GALNT13: variants seen among roughly 807,000 people sequenced by gnomAD.
GALNT13 encodes polypeptide N-acetylgalactosaminyltransferase 13, also known as UDP-GalNAc:polypeptide N-acetylgalactosaminyltransferase 13.
Under a neutral mutation model 64.2 loss-of-function variants are expected in GALNT13, and 28 were observed. The observed-to-expected ratio is 0.44, with a 90% CI of 0.32 to 0.60. The LOEUF is 0.60. Ranked by LOEUF, GALNT13 falls within the 20% of genes least tolerant of loss-of-function variation. GALNT13 has a pLI of 0.05. For synonymous variants in GALNT13, 214 were observed against 224.6 expected, an observed-to-expected ratio of 0.95 and a Z score of 0.42; for missense variants, 577 against 669.8, an observed-to-expected ratio of 0.86 and a Z score of 1.53.
chr2:154,358,247 C>A (rs571622334), intron 9 of GALNT13, among the ~76,000 whole-genome samples: 1 of 152,164 alleles, frequency 6.6e-6, no homozygotes, highest in South Asian at 2.1e-4. Flanking sequence ...TCTTAAATAT[C>A]TTTTAGCAAC....
Position 154,451,138 on chromosome 2 carries a change from T to C in GALNT13, c.*587T>C, listed in dbSNP as rs557156462. 2.6e-5 allele frequency: 4 copies of C among 152,204 alleles called. No homozygotes were observed. In the East Asian group the frequency reaches 7.7e-4, roughly 29 times the overall value. The allele number at this position is 152,204 out of a possible 1,614,324, so 9.4% of individuals were successfully genotyped here. A position where few individuals can be genotyped will look rare whatever the true frequency, so the allele number is the denominator to read the frequency against. ...TACAGAAGCATCACATTTAAACCAA[T>C]GTGAATTCAAAAAAGAGAAGGAAAC... On this transcript the variant is annotated 3_prime_UTR_variant, in exon 13 of 13. Coordinates refer to ENST00000392825, the MANE Select transcript of GALNT13 (RefSeq NM_052917.4).
chr2:153,219,182 G>A, the GALNT13 span, among the ~76,000 whole-genome samples: 1 of 152,198 alleles, frequency 6.6e-6, no homozygotes, highest in Non-Finnish European at 1.5e-5. Flanking sequence ...ATTTAGTCAT[G>A]TTCTCTGAAT....
intron 2 of GALNT13, among the ~76,000 whole-genome samples, chr2:153,907,350 T>G (rs1688641793): frequency 6.6e-6 from 1 of 151,792 alleles, no homozygotes; most frequent in African/African-American, 2.4e-5. Flanking sequence ...TATACATATG[T>G]ATCATATACA....
chr2:154,456,057 T>A (rs1702028293), downstream of GALNT13, among the ~76,000 whole-genome samples: 1 of 152,128 alleles, frequency 6.6e-6, no homozygotes, highest in African/African-American at 2.4e-5. Context: ...AAAACGAAAG[T>A]AAGCTGCTGC....
intron 2 of GALNT13, among the ~76,000 whole-genome samples, chr2:153,911,596 A>G (rs1020512853): frequency 1.1e-4 from 16 of 152,036 alleles, no homozygotes; most frequent in African/African-American, 3.9e-4. Flanking sequence ...CTTATAAGCG[A>G]GTTTGGTGGT....
intron 3 of GALNT13, among the ~76,000 whole-genome samples, chr2:154,049,023 G>A (rs573516846): frequency 4.6e-5 from 7 of 152,032 alleles, no homozygotes; most frequent in Non-Finnish European, 1.0e-4. Context: ...TATGGTTCAA[G>A]AACTCAGTAA....
chr2:153,994,634 T>C (rs1695396773), intron 3 of GALNT13, among the ~76,000 whole-genome samples: 1 of 152,178 alleles, frequency 6.6e-6, no homozygotes, highest in African/African-American at 2.4e-5. Context: ...TGGTATCTCA[T>C]TGTGGTTTTG....
chr2:153,196,468 CTG>C, the GALNT13 span, among the ~76,000 whole-genome samples: 1 of 152,108 alleles, frequency 6.6e-6, no homozygotes, highest in Non-Finnish European at 1.5e-5. Context: ...GGAGCAGGCT[CTG>C]TGAGCAGGGA....
the GALNT13 span, among the ~76,000 whole-genome samples, chr2:153,329,956 TA>T: frequency 2.0e-5 from 3 of 152,206 alleles, no homozygotes; most frequent in Admixed American, 6.5e-5. Context: ...TTTTTCTATA[TA>T]GTGAAAGGCA....
At chr2:153,240,596 C>T in the GALNT13 span, among the ~76,000 whole-genome samples, 1 of 152,092 alleles carries the variant, frequency 6.6e-6, no homozygotes, top group Non-Finnish European at 1.5e-5. Flanking sequence ...GATTTAATTG[C>T]AATAGAGAAA....
chr2:154,010,217 G>A (rs1179645432), intron 3 of GALNT13, among the ~76,000 whole-genome samples: 1 of 152,056 alleles, frequency 6.6e-6, no homozygotes, highest in African/African-American at 2.4e-5. Context: ...ATATGATGTT[G>A]ACTATGGTTT....
chr2:153,138,074 C>A, the GALNT13 span, among the ~76,000 whole-genome samples: 1 of 152,066 alleles, frequency 6.6e-6, no homozygotes, highest in Admixed American at 6.6e-5. Context: ...ATTTAATCTT[C>A]ATAAAAACTC....
chr2:153,433,469 C>T, the GALNT13 span, among the ~76,000 whole-genome samples: 2 of 152,086 alleles, frequency 1.3e-5, no homozygotes, highest in Non-Finnish European at 2.9e-5. Flanking sequence ...TTATAGAATA[C>T]TGTACACGTT....
intron 8 of GALNT13, among the ~76,000 whole-genome samples, chr2:154,265,659 A>G (rs1202543102): frequency 1.3e-5 from 2 of 152,162 alleles, no homozygotes; most frequent in African/African-American, 4.8e-5. Context: ...AGACTGCACC[A>G]TTGCACTCCA....
intron 9 of GALNT13, among the ~76,000 whole-genome samples, chr2:154,313,937 T>A (rs906862277): frequency 6.6e-6 from 1 of 152,130 alleles, no homozygotes; most frequent in Non-Finnish European, 1.5e-5. Flanking sequence ...CTACCCCAAT[T>A]GGATTGGATG....
At chr2:153,606,775 G>C in the GALNT13 span, among the ~76,000 whole-genome samples, 1 of 151,540 alleles carries the variant, frequency 6.6e-6, no homozygotes, top group Non-Finnish European at 1.5e-5. Flanking sequence ...GGCCCTGCTT[G>C]CCTCCGTTGT....
chr2:153,752,717 A>G, the GALNT13 span, among the ~76,000 whole-genome samples: 2 of 151,976 alleles, frequency 1.3e-5, no homozygotes, highest in Non-Finnish European at 2.9e-5. Context: ...AAATACTTTC[A>G]GTTAGTCTTC....
the GALNT13 span, among the ~76,000 whole-genome samples, chr2:153,361,188 G>A: frequency 6.6e-6 from 1 of 152,062 alleles, no homozygotes; most frequent in African/African-American, 2.4e-5. Flanking sequence ...AACAAAAAAT[G>A]TCCCCACAAA....
At chr2:153,152,068 A>G in the GALNT13 span, among the ~76,000 whole-genome samples, 1 of 151,994 alleles carries the variant, frequency 6.6e-6, no homozygotes, top group East Asian at 1.9e-4. Flanking sequence ...AGGAGATCAA[A>G]TCTGCTTTCT....
Sources: allele counts gnomAD v4.1 joint callset (sites outside exome capture counted in the v4.1 genomes callset), GRCh38; gene constraint gnomAD v4.1.1; transcripts MANE v1.5; gene names NCBI Gene and HGNC (gene_info 2026-07-23, HGNC 2026-07-21).